Variants in SMC6 observed in about 807,000 individuals in gnomAD.
The protein encoded by SMC6 is structural maintenance of chromosomes protein 6.
Under a neutral mutation model 142.2 loss-of-function variants are expected in SMC6, and 79 were observed. That is an observed-to-expected ratio of 0.56 (90% CI 0.46 to 0.67). The LOEUF (loss-of-function observed/expected upper bound fraction) is 0.67. Ranked by LOEUF, SMC6 falls within the 30% of genes least tolerant of loss-of-function variation. SMC6 has a pLI of 0.00. For missense variants in SMC6, 1,072 were observed against 1,284.0 expected (o/e 0.83, Z 2.52); for synonymous variants, 411 against 412.4 (o/e 1.00, Z 0.04).
intron 25 of SMC6, among the ~76,000 whole-genome samples, chr2:17,673,828 CAAAGTGCCGGGATTATA>C (rs761723807): frequency 1.5e-4 from 23 of 152,094 alleles, no homozygotes; most frequent in Non-Finnish European, 2.6e-4. Context: ...CTCAGCCTCC[CAAAGTGCCGGGATTATA>C]GGCATGAGCC....
At chr2:17,670,225 T>G (rs1420227434) in intron 26 of SMC6, among the ~76,000 whole-genome samples, 198 bp downstream of exon 26, 1 of 152,194 alleles carries the variant, frequency 6.6e-6, no homozygotes. Flanking sequence ...CTCCAGGGTC[T>G]CTAGGGTTAC....
chr2:17,668,875 A>G (rs1666625816), intron 26 of SMC6, among the ~76,000 whole-genome samples: 1 of 152,206 alleles, frequency 6.6e-6, no homozygotes, highest in Non-Finnish European at 1.5e-5. Context: ...TTTATTCCAT[A>G]TATAATAACC....
chr2:17,700,216 G>A lies in SMC6; in HGVS notation c.2386C>T (p.Pro796Ser), dbSNP rs1302720201. ...GTACCAAAAATATATACCTTAAGTG[G>A]GTCTGCTAGCTCCGATAGTTGATTA... ...KINQLSELAD[P>S]LKDELNLADS... Residue 796 changes from proline to serine, a missense_variant, in exon 21 of 28, where the codon CCA becomes TCA. Pro to Ser is a moderately conservative substitution (Grantham distance 74). Transcript: ENST00000448223. The A allele has an allele frequency of 1.3e-6, 2 of 1,597,756 alleles. No individual in the cohort carries two copies. Among genetic ancestry groups the A allele is most frequent in the Non-Finnish European group, 1.7e-6 (2 of 1,171,938 alleles).
At chr2:17,739,315 G>C (rs1181544097) in intron 4 of SMC6, among the ~76,000 whole-genome samples, 2 of 151,686 alleles carry the variant, frequency 1.3e-5, no homozygotes, top group Non-Finnish European at 2.9e-5. Flanking sequence ...ACCAGCCTGA[G>C]CAACAGAGAA....
At chr2:17,744,424 C>T (rs1670632984) in intron 3 of SMC6, among the ~76,000 whole-genome samples, 1 of 152,096 alleles carries the variant, frequency 6.6e-6, no homozygotes, top group Admixed American at 6.6e-5. Flanking sequence ...TATCCTATAA[C>T]TTTGCTGAAT....
At position 17,664,579 on chromosome 2, in the gene SMC6, A is replaced by C. The variant is rs1666408876; in HGVS notation, c.*920T>G. On this transcript the variant is annotated 3_prime_UTR_variant, in exon 28 of 28. Coordinates refer to ENST00000448223, the MANE Select transcript of SMC6 (RefSeq NM_001142286.2). Reference sequence around the variant, plus strand: ...TAAAATTCATGTTTTCTAAAATAAAAAGTTCATAAATATCATTTTTTACAA... The same window carrying C: ...TAAAATTCATGTTTTCTAAAATAAACAGTTCATAAATATCATTTTTTACAA... 1.3e-5 allele frequency: 2 copies of C among 152,210 alleles called. No individual in the cohort carries two copies. The highest frequency in any genetic ancestry group is 4.8e-5 in the African/African-American group (2 of 41,454). 9.4% of individuals were successfully genotyped at this position (152,210 alleles called of 1,614,324 possible).
chr2:17,736,623 C>G (rs1670165020), intron 5 of SMC6, among the ~76,000 whole-genome samples: 2 of 151,766 alleles, frequency 1.3e-5, no homozygotes, highest in Admixed American at 1.3e-4. Context: ...ACCTGTAATT[C>G]CAGCACTTTG....
intron 3 of SMC6, among the ~76,000 whole-genome samples, chr2:17,744,411 C>T (rs2125081190): frequency 6.6e-6 from 1 of 152,166 alleles, no homozygotes. Flanking sequence ...TTTAAAAATA[C>T]CTTATCCTAT....
chr2:17,732,313 T>C (rs1669951234), intron 5 of SMC6, among the ~76,000 whole-genome samples: 1 of 152,216 alleles, frequency 6.6e-6, no homozygotes. Flanking sequence ...TATGGTAAAG[T>C]AGTTAACATT....
At chr2:17,717,317 A>T in intron 12 of SMC6, 141 bp from the exon 13 acceptor site, 1 of 551,014 alleles carries the variant, frequency 1.8e-6, no homozygotes, top group Non-Finnish European at 3.1e-6. Context: ...ATTTGAAACC[A>T]TTACATTTTT....
At chr2:17,722,196 G>A (rs1254962317) in intron 9 of SMC6, among the ~76,000 whole-genome samples, 1 of 151,890 alleles carries the variant, frequency 6.6e-6, no homozygotes, top group Non-Finnish European at 1.5e-5. Flanking sequence ...CCTCTCTCCA[G>A]CTTAGACAAT....
chr2:17,716,278 G>C lies in SMC6; in HGVS notation c.1347-14C>G, dbSNP rs1396871263. Reference sequence around the variant, plus strand: ...AATTCTTCTCTCCTAAAAAACAAAAGCAGAAAAACAGAACATATATGTGAT... The same window carrying C: ...AATTCTTCTCTCCTAAAAAACAAAACCAGAAAAACAGAACATATATGTGAT... On this transcript the variant is annotated splice_polypyrimidine_tract_variant and intron_variant, in intron 14 of 27. Coordinates refer to ENST00000448223, the MANE Select transcript of SMC6 (RefSeq NM_001142286.2). 2 of 1,597,268 alleles carry C rather than the reference G, an allele frequency of 1.3e-6. No individual in the cohort carries two copies. Among genetic ancestry groups the C allele is most frequent in the African/African-American group, 2.7e-5 (2 of 73,504 alleles).
rs970080015 is a variant in SMC6, at chr2:17,745,659, T to A, written c.120+168A>T. Among the ~76,000 whole-genome samples, 15 of 93,916 alleles carry A rather than the reference T, an allele frequency of 1.6e-4. 1 individual carries two copies. The highest frequency in any genetic ancestry group is 4.1e-4 in the African/African-American group (15 of 36,964). 61.6% of individuals were successfully genotyped at this position (93,916 alleles called of 152,430 possible). On this transcript the variant is annotated intron_variant, in intron 3 of 27. Transcript: ENST00000448223. ...TTCAGTTCTTTATTTTCTCTATTAA[T>A]TTTTCTAATAATTAACATAAGCTTC... is the stretch of plus-strand genomic sequence containing the variant.
intron 11 of SMC6, among the ~76,000 whole-genome samples, chr2:17,719,842 A>T (rs557813971): frequency 1.3e-5 from 2 of 152,264 alleles, no homozygotes; most frequent in East Asian, 3.9e-4. Context: ...TGATGAATTA[A>T]TGTCATAACC....
intron 23 of SMC6, among the ~76,000 whole-genome samples, chr2:17,684,207 G>C (rs550892801): frequency 6.6e-6 from 1 of 152,128 alleles, no homozygotes; most frequent in Non-Finnish European, 1.5e-5. Flanking sequence ...AGATCAAAGA[G>C]GCAGAGATGG....
At position 17,716,106 on chromosome 2, in the gene SMC6, T is replaced by C. The variant is rs981390684; in HGVS notation, c.1505A>G (p.Tyr502Cys). Residue 502 changes from tyrosine (Y) to cysteine (C), a missense_variant, in exon 15 of 28, where the codon TAT (tyrosine) becomes TGT (cysteine). Tyr to Cys is a radical substitution (Grantham distance 194, BLOSUM62 -2). This residue lies in a region of SMC6 where 994 missense variants were observed against 1,153.2 expected (regional missense o/e 0.86). Transcript: ENST00000448223. ...AATACCTAAAGGGCCTACAGGTTTA[T>C]AGGTAAAATGTCCTTGTCTATAAGC... ...DDAYRQGHFT[Y>C]KPVGPLGACI... 5.0e-6 allele frequency: 8 copies of C among 1,590,282 alleles called. No homozygotes were observed. The highest frequency in any genetic ancestry group is 2.7e-5 in the African/African-American group (2 of 73,114).
chr2:17,726,385 T>G lies in SMC6; in HGVS notation c.624+4A>C, dbSNP rs1386221711. 1 of 1,607,196 alleles carries G rather than the reference T, an allele frequency of 6.2e-7. No individual in the cohort carries two copies. Among genetic ancestry groups the G allele is most frequent in the Non-Finnish European group, 8.5e-7 (1 of 1,176,552 alleles). ...GGGTTTATATTTACTTTGGTGCCAC[T>G]TACTTTGTATTTGTCTCCTTCATTT... On this transcript the variant is annotated splice_donor_region_variant and intron_variant, in intron 8 of 27. Transcript: ENST00000448223.
At chr2:17,689,990 T>C (rs1201129529) in intron 23 of SMC6, among the ~76,000 whole-genome samples, 1 of 152,214 alleles carries the variant, frequency 6.6e-6, no homozygotes, top group Non-Finnish European at 1.5e-5. Context: ...AATGGATGCA[T>C]GTCTATGGCA....
chr2:17,741,166 T>C (rs561454620), intron 4 of SMC6, among the ~76,000 whole-genome samples: 1 of 152,160 alleles, frequency 6.6e-6, no homozygotes, highest in Non-Finnish European at 1.5e-5. Context: ...ACCTAAATAA[T>C]CGATAATTTT....
Sources: gnomAD v4.1 joint callset for allele counts (sites outside exome capture counted in the v4.1 genomes callset) on GRCh38, gnomAD v4.1.1 for gene constraint, gnomAD v4.1.1 regional missense constraint, MANE v1.5 for transcripts, NCBI Gene and HGNC (gene_info 2026-07-23, HGNC 2026-07-21) for gene names.